FAM193B: variants seen among roughly 807,000 people sequenced by gnomAD.
FAM193B encodes protein FAM193B.
Under a neutral mutation model 70.7 loss-of-function variants are expected in FAM193B, and 27 were observed. That is an observed-to-expected ratio of 0.38 (90% CI 0.28 to 0.53). The LOEUF is 0.53. FAM193B is among the 20% of genes least tolerant of loss of function. FAM193B has a pLI of 0.81. For missense variants in FAM193B, 1,022 were observed against 1,072.5 expected (o/e 0.95, Z 0.66); for synonymous variants, 448 against 436.0 (o/e 1.03, Z -0.34).
Position 177,524,420 on chromosome 5 carries a change from A to C in FAM193B, c.2061T>G (p.Ala687=). ...VLELPKVGSC[A]EAGEGSRGSR... ...TCCCCCGGCTCCCCTCTCCAGCCTC[A>C]GCACAGCTGCCTACTTTGGGAAGCT... Residue 687 remains alanine (A), a synonymous_variant, in exon 6 of 9, where the codon GCT becomes GCG. Transcript: ENST00000514747. The C allele has an allele frequency of 1.3e-6, 2 of 1,599,158 alleles. No homozygotes were observed. Among genetic ancestry groups the C allele is most frequent in the Non-Finnish European group, 1.7e-6 (2 of 1,173,006 alleles).
At chr5:177,550,754 A>G (rs1038210131) in intron 1 of FAM193B, among the ~76,000 whole-genome samples, 6 of 152,236 alleles carry the variant, frequency 3.9e-5, no homozygotes, top group East Asian at 3.8e-4. Flanking sequence ...GCCACCTGGC[A>G]CAGCTCCTGC....
Position 177,537,052 on chromosome 5 carries a change from CAGGTGCTCCTCAGGCCTGG to C in FAM193B, c.689-326_689-308del, listed in dbSNP as rs1764261576. Reference sequence around the variant, plus strand: ...GGTCTCTCTAGGATCTGCTTGTACACAGGTGCTCCTCAGGCCTGGAGGATGATCTGCAGAAGCCAGTGGA... The same window carrying C: ...GGTCTCTCTAGGATCTGCTTGTACACAGGATGATCTGCAGAAGCCAGTGGA... On this transcript the variant is annotated intron_variant, in intron 3 of 8. Transcript: ENST00000514747. 2.6e-5 allele frequency among the ~76,000 whole-genome samples: 4 copies of C among 152,200 alleles called. No homozygotes were observed. The South Asian group carries it at 8.3e-4, about 31-fold the overall frequency.
rs536009132 is a variant in FAM193B at position 177,551,257 on chromosome 5, C to CAGTT, written c.210+2988_210+2991dup. ...CCACTGCCTCCTACAATTGCTTTTT[C>CAGTT]AGTTGTTCTTTATTTTTTTTTTTGT... is the stretch of plus-strand genomic sequence containing the variant. On this transcript the variant is annotated intron_variant, in intron 1 of 8. Transcript: ENST00000514747. Among the ~76,000 whole-genome samples the CAGTT allele has an allele frequency of 8.1e-3, 944 of 117,230 alleles. 11 individuals are homozygous for CAGTT. The highest frequency in any genetic ancestry group is 0.03 in the African/African-American group (905 of 30,128). The allele number at this position is 117,230 out of a possible 152,430, so 76.9% of individuals were successfully genotyped here.
At chr5:177,553,767 G>A (rs1766633583) in intron 1 of FAM193B, 3 of 1,287,722 alleles carry the variant, frequency 2.3e-6, no homozygotes, top group Non-Finnish European at 3.0e-6. Context: ...GAGGCGCCAG[G>A]AGACACAGCT....
rs1178200372 is a variant in FAM193B at position 177,525,180 on chromosome 5, G to A, written c.1301C>T (p.Ala434Val). Residue 434 changes from alanine to valine, a missense_variant, in exon 6 of 9, where the codon GCA (alanine) becomes GTA (valine). Physicochemically the swap from Ala to Val is moderately conservative, Grantham distance 64. Coordinates refer to ENST00000514747, the MANE Select transcript of FAM193B (RefSeq NM_001190946.3). ...ACGATTTGCCTGCTTTAGAGCTTCT[G>A]CTGCCAACTGGGCCTTCTCCTTTTC... ...NAEKEKAQLA[A>V]EALKQANRVS... 2 of 1,474,488 alleles carry A rather than the reference G, an allele frequency of 1.4e-6. No homozygotes were observed. The highest frequency in any genetic ancestry group is 1.4e-5 in the African/African-American group (1 of 69,788). 91.3% of individuals were successfully genotyped at this position (1,474,488 alleles called of 1,614,324 possible). A position where few individuals can be genotyped will look rare whatever the true frequency, so the allele number is the denominator to read the frequency against.
At chr5:177,537,443 C>A (rs1764303768) in intron 3 of FAM193B, among the ~76,000 whole-genome samples, 1 of 152,198 alleles carries the variant, frequency 6.6e-6, no homozygotes, top group African/African-American at 2.4e-5. Context: ...CTTACACTGC[C>A]AATCTCTTGG....
chr5:177,536,516 T>C lies in FAM193B; in HGVS notation c.918A>G (p.Pro306=), dbSNP rs1267666898. The C allele has an allele frequency of 6.4e-7, 1 of 1,553,388 alleles. No individual in the cohort carries two copies. Among genetic ancestry groups the C allele is most frequent in the South Asian group, 1.2e-5 (1 of 82,898 alleles). ...AAATAPHTPG[P]CQSSHLPSTS... ...TGGAGGGTAGATGGGAGCTCTGACA[T>C]GGCCCTGGAGTGTGGGGGGCAGTGG... Residue 306 remains proline (P), a synonymous_variant, in exon 4 of 9, where the codon CCA becomes CCG. Transcript: ENST00000514747.
At chr5:177,550,890 C>T (rs936843341) in intron 1 of FAM193B, among the ~76,000 whole-genome samples, 1 of 152,138 alleles carries the variant, frequency 6.6e-6, no homozygotes, top group Non-Finnish European at 1.5e-5. Flanking sequence ...GGTGCAGTGG[C>T]GTGCACATGA....
intron 1 of FAM193B, among the ~76,000 whole-genome samples, chr5:177,542,994 C>A (rs904566651): frequency 1.3e-5 from 2 of 152,168 alleles, no homozygotes; most frequent in African/African-American, 4.8e-5. Context: ...CAATGAGACA[C>A]TGCTTGAAAT....
Position 177,532,916 on chromosome 5 carries a change from C to T in FAM193B, c.1077-275G>A, listed in dbSNP as rs563727029. On this transcript the variant is annotated intron_variant, in intron 4 of 8. Coordinates refer to ENST00000514747, the MANE Select transcript of FAM193B (RefSeq NM_001190946.3). The surrounding 1 kb of genome is among the most constrained non-coding windows in gnomAD (Gnocchi z 4.9). ...ATGCACCCCTTCTCAGGTTACTGTG[C>T]ACACGTCACTCCATCTTCTGCTTAT... 6.6e-5 allele frequency among the ~76,000 whole-genome samples: 10 copies of T among 152,356 alleles called. No homozygotes were observed. The South Asian group carries it at 1.9e-3, about 28-fold the overall frequency.
chr5:177,553,853 A>T, intron 1 of FAM193B: 1 of 1,272,132 alleles, frequency 7.9e-7, no homozygotes, highest in African/African-American at 1.5e-5. Flanking sequence ...AAGAGGCTGC[A>T]GTCGTCCAGT....
chr5:177,535,081 T>C (rs1764017297), intron 4 of FAM193B, among the ~76,000 whole-genome samples: 1 of 152,208 alleles, frequency 6.6e-6, no homozygotes, highest in Non-Finnish European at 1.5e-5. Context: ...CTTTAACTAG[T>C]AACTTTTTTC....
At chr5:177,553,833 G>A (rs1312689915) in intron 1 of FAM193B, 1 of 1,283,026 alleles carries the variant, frequency 7.8e-7, no homozygotes, top group South Asian at 1.2e-5. Context: ...CCGTTCCCGG[G>A]GGCAGAGGGA....
chr5:177,525,454 G>A (rs575762291), intron 5 of FAM193B: 14 of 385,288 alleles, frequency 3.6e-5, no homozygotes, highest in African/African-American at 6.2e-5. Context: ...CAGAGCCTCA[G>A]TTTCAGTGGA....
chr5:177,522,031 C>G lies in FAM193B; in HGVS notation c.2413G>C (p.Ala805Pro), dbSNP rs1761825363. ...DSAKQTRQKV[A>P]VNWTNFSLKK... ...AGGCTGAAGTTGGTCCAGTTCACAG[C>G]AACTTTCTGACGAGTCTGCTTTGCA... The change falls in exon 8 of 9, where the codon GCT (alanine) becomes CCT (proline). Residue 805 changes from alanine (A) to proline (P), a missense_variant. Physicochemically the swap from Ala to Pro is conservative, Grantham distance 27. Coordinates refer to ENST00000514747, the MANE Select transcript of FAM193B (RefSeq NM_001190946.3). 1 of 1,614,016 alleles carries G rather than the reference C, an allele frequency of 6.2e-7. No homozygotes were observed. The highest frequency in any genetic ancestry group is 1.3e-5 in the African/African-American group (1 of 75,048).
chr5:177,542,116 C>G (rs781569671), intron 1 of FAM193B, among the ~76,000 whole-genome samples: 3 of 152,196 alleles, frequency 2.0e-5, no homozygotes, highest in Non-Finnish European at 4.4e-5. Flanking sequence ...TGTAATAAAA[C>G]GTATGATACG....
chr5:177,543,622 C>T (rs1017242005), intron 1 of FAM193B, among the ~76,000 whole-genome samples: 10 of 152,196 alleles, frequency 6.6e-5, no homozygotes, highest in African/African-American at 2.4e-4. Context: ...ACTTTAATTG[C>T]TAGAGGGTGA....
At chr5:177,539,632 C>T (rs1764606394) in intron 1 of FAM193B, among the ~76,000 whole-genome samples, 1 of 152,158 alleles carries the variant, frequency 6.6e-6, no homozygotes, top group Non-Finnish European at 1.5e-5. Flanking sequence ...TTGCACAATT[C>T]CCTTAGGATC....
At chr5:177,527,908 G>GA (rs1173938839) in intron 5 of FAM193B, among the ~76,000 whole-genome samples, 2 of 152,226 alleles carry the variant, frequency 1.3e-5, no homozygotes, top group Non-Finnish European at 2.9e-5. Context: ...TGCAGAGTCT[G>GA]AGATACCTGT....
Sources: gnomAD v4.1 joint callset for allele counts (sites outside exome capture counted in the v4.1 genomes callset) on GRCh38, gnomAD v4.1.1 for gene constraint, Gnocchi (gnomAD v3.1) non-coding constraint, MANE v1.5 for transcripts, NCBI Gene and HGNC (gene_info 2026-07-23, HGNC 2026-07-21) for gene names.